The following MGRN1 variants were observed in gnomAD, a reference collection of about 807,000 sequenced individuals.
MGRN1 encodes mahogunin ring finger 1.
Under a neutral mutation model 69.2 loss-of-function variants are expected in MGRN1, and 29 were observed. The observed-to-expected ratio is 0.42, with a 90% confidence interval of 0.31 to 0.57. The LOEUF (loss-of-function observed/expected upper bound fraction) is 0.57, where lower values mean the gene tolerates loss of function less well. Among genes scored for constraint, MGRN1 ranks in the 20% least tolerant of loss-of-function variants. MGRN1 has a pLI of 0.15. For synonymous variants in MGRN1, 470 were observed against 344.2 expected (o/e 1.37, Z -4.04); for missense variants, 998 against 796.2 (o/e 1.25, Z -3.05).
chr16:4,645,048 T>G (rs947691896), intron 1 of MGRN1, among the ~76,000 whole-genome samples: 1 of 152,024 alleles, frequency 6.6e-6, no homozygotes, highest in Non-Finnish European at 1.5e-5. Flanking sequence ...AATAATCACT[T>G]ATTACCTATG....
chr16:4,688,926 C>A lies in MGRN1; in HGVS notation c.*18C>A. On this transcript the variant is annotated 3_prime_UTR_variant, in exon 17 of 17. Coordinates refer to ENST00000262370, the MANE Select transcript of MGRN1 (RefSeq NM_015246.4). Reference sequence around the variant, plus strand: ...CACTCTGAGAGCCTGGCCGAGCTGGCAGCATGGAGCCCTCGGCTCCCCAGA... The same window carrying A: ...CACTCTGAGAGCCTGGCCGAGCTGGAAGCATGGAGCCCTCGGCTCCCCAGA... The A allele has an allele frequency of 1.3e-6, 2 of 1,530,456 alleles. No individual in the cohort carries two copies. Among genetic ancestry groups the A allele is most frequent in the Admixed American group, 2.0e-5 (1 of 50,240 alleles). 94.8% of individuals were successfully genotyped at this position (1,530,456 alleles called of 1,614,324 possible). A position where few individuals can be genotyped will look rare whatever the true frequency, so the allele number is the denominator to read the frequency against.
intron 5 of MGRN1, among the ~76,000 whole-genome samples, chr16:4,657,663 G>A (rs1011657600): frequency 2.0e-5 from 3 of 152,134 alleles, no homozygotes; most frequent in Admixed American, 6.5e-5. Context: ...CAGCAATGCA[G>A]GGTCTGTTCA....
Position 4,650,414 on chromosome 16 carries a change from C to G in MGRN1, c.138C>G (p.Thr46=). Residue 46 remains threonine, a synonymous_variant, in exon 2 of 17, where the codon ACC becomes ACG. Transcript: ENST00000262370. ...TCATGGGAGGAGAGAAATTCGACAC[C>G]CCCCACCCTGAAGGTTACCTCTTTG... ...HFFMGGEKFD[T]PHPEGYLFGE... is the part of the protein sequence containing the mutation. The G allele has an allele frequency of 6.2e-7, 1 of 1,614,052 alleles. No individual in the cohort carries two copies. The highest frequency in any genetic ancestry group is 8.5e-7 in the Non-Finnish European group (1 of 1,179,952).
At chr16:4,673,725 C>A in intron 10 of MGRN1, 68 bp downstream of exon 10, 1 of 1,568,612 alleles carries the variant, frequency 6.4e-7, no homozygotes, top group Non-Finnish European at 8.7e-7. Context: ...CCACGGTGGT[C>A]CTGGGATAGG....
At chr16:4,686,317 C>G (rs1490608009) in intron 16 of MGRN1, 7 of 1,543,278 alleles carry the variant, frequency 4.5e-6, no homozygotes, top group Non-Finnish European at 6.1e-6. Flanking sequence ...CGTGACCTCC[C>G]AGACGCGCTT....
chr16:4,638,953 T>A (rs1423045082), intron 1 of MGRN1, among the ~76,000 whole-genome samples: 1 of 152,126 alleles, frequency 6.6e-6, no homozygotes, highest in East Asian at 1.9e-4. Context: ...TTCATTCACA[T>A]CCTGGCTTAC....
chr16:4,673,510 G>A lies in MGRN1; in HGVS notation c.808G>A (p.Glu270Lys), dbSNP rs1440372740. The A allele has an allele frequency of 3.7e-6, 6 of 1,612,864 alleles. No homozygotes were observed. Among genetic ancestry groups the A allele is most frequent in the African/African-American group, 2.7e-5 (2 of 74,910 alleles). The change falls in exon 10 of 17, where the codon GAG becomes AAG. Residue 270 changes from glutamate to lysine, a missense_variant. Transcript: ENST00000262370. ...CTTGTCCCGGCAGCCCTCGGACGAC[G>A]AGAACAGCGACAACAGCAACGAGTG... ...NNQETKPSDD[E>K]NSDNSNECVV...
At chr16:4,686,945 C>G (rs2079334776) in intron 16 of MGRN1, 5 of 985,514 alleles carry the variant, frequency 5.1e-6, no homozygotes, top group Non-Finnish European at 6.0e-6. Flanking sequence ...TCGAGGGGCC[C>G]TCTGGTGCCC....
intron 5 of MGRN1, among the ~76,000 whole-genome samples, chr16:4,660,954 C>T (rs997084706): frequency 1.3e-5 from 2 of 152,196 alleles, no homozygotes; most frequent in African/African-American, 4.8e-5. Flanking sequence ...TGGGTGTGAA[C>T]ATGTGCCCCA....
chr16:4,647,544 G>T (rs1015026001), intron 1 of MGRN1, among the ~76,000 whole-genome samples: 9 of 152,244 alleles, frequency 5.9e-5, no homozygotes, highest in African/African-American at 1.9e-4. Context: ...TGGCAGCCTT[G>T]TGGGCGTGTC....
chr16:4,674,742 G>A (rs1297131846), intron 10 of MGRN1, among the ~76,000 whole-genome samples: 2 of 137,018 alleles, frequency 1.5e-5, no homozygotes, highest in East Asian at 2.4e-4. Context: ...CCGGGTTCAC[G>A]CCATTCTCCT....
intron 5 of MGRN1, among the ~76,000 whole-genome samples, chr16:4,660,563 G>A (rs1253973534): frequency 1.3e-5 from 2 of 152,270 alleles, no homozygotes; most frequent in Non-Finnish European, 2.9e-5. Flanking sequence ...CTGGCTGCGC[G>A]GATGCATTCC....
At chr16:4,645,723 C>T (rs1481933852) in intron 1 of MGRN1, among the ~76,000 whole-genome samples, 3 of 152,052 alleles carry the variant, frequency 2.0e-5, no homozygotes, top group Non-Finnish European at 4.4e-5. Flanking sequence ...TCCAGGGCCC[C>T]GAGGTGTGAG....
intron 1 of MGRN1, among the ~76,000 whole-genome samples, chr16:4,629,147 C>CGTGTGTGTGTGTGTGT (rs1442184525): frequency 4.1e-5 from 2 of 48,652 alleles, no homozygotes; most frequent in African/African-American, 7.7e-5. Flanking sequence ...GCTTTCTGTT[C>CGTGTGTGTGTGTGTGT]GTATGTGTGT....
intron 1 of MGRN1, among the ~76,000 whole-genome samples, chr16:4,625,534 TG>T (rs1897631602): frequency 1.3e-5 from 2 of 151,986 alleles, no homozygotes; most frequent in Admixed American, 6.6e-5. Flanking sequence ...TCTTGGTGTG[TG>T]GGTTGGAGGA....
rs191872052 is a variant in MGRN1 at position 4,674,522 on chromosome 16, C to T, written c.955+865C>T. 2.2e-4 allele frequency among the ~76,000 whole-genome samples: 33 copies of T among 148,158 alleles called. No homozygotes were observed. The East Asian group carries it at 3.8e-3, about 17-fold the overall frequency. Reference sequence around the variant, plus strand: ...CAGGCTGGTCTGGAACTCCTGACCTCGTGATCTGCCCTCCTGGGCCTCCCA... The same window carrying T: ...CAGGCTGGTCTGGAACTCCTGACCTTGTGATCTGCCCTCCTGGGCCTCCCA... On this transcript the variant is annotated intron_variant, in intron 10 of 16. Transcript: ENST00000262370.
chr16:4,665,076 C>T, intron 6 of MGRN1, 26 bp from the exon 7 acceptor site: 1 of 1,614,046 alleles, frequency 6.2e-7, no homozygotes, highest in Non-Finnish European at 8.5e-7. Context: ...CCGACTCTGA[C>T]TACTCTGCCC....
intron 1 of MGRN1, chr16:4,634,790 A>C: frequency 6.6e-6 from 1 of 152,202 alleles, no homozygotes; most frequent in Non-Finnish European, 1.5e-5. Flanking sequence ...TAGAAGAAAC[A>C]CCGTTTGCTC....
At position 4,647,087 on chromosome 16, in the gene MGRN1, A is replaced by C. The variant is rs115434505; in HGVS notation, c.89-3278A>C. On this transcript the variant is annotated intron_variant, in intron 1 of 16. Transcript: ENST00000262370. Reference sequence around the variant, plus strand: ...GGGTCCTGGGCTGGTCAGCAGGGTCACTGGGCTTCCCACACCCTCTTGCCG... The same window carrying C: ...GGGTCCTGGGCTGGTCAGCAGGGTCCCTGGGCTTCCCACACCCTCTTGCCG... 4.0e-3 allele frequency among the ~76,000 whole-genome samples: 603 copies of C among 152,370 alleles called. 6 individuals carry two copies. The highest frequency in any genetic ancestry group is 0.014 in the African/African-American group (562 of 41,598).
Sources: allele counts gnomAD v4.1 joint callset (sites outside exome capture counted in the v4.1 genomes callset), GRCh38; gene constraint gnomAD v4.1.1; transcripts MANE v1.5; gene names NCBI Gene and HGNC (gene_info 2026-07-23, HGNC 2026-07-21).